Variants in ERICH1 observed in about 807,000 individuals in gnomAD.
The protein encoded by ERICH1 is glutamate rich 1, also known as glutamate-rich protein 1.
ERICH1 carries 56 observed loss-of-function variants against 39.6 expected under a neutral mutation model. The observed-to-expected ratio is 1.41, with a 90% CI of 1.14 to 1.77. The LOEUF is 1.77. Ranked by LOEUF, ERICH1 falls within the 40% of genes most tolerant of loss-of-function variation. The pLI, the probability that ERICH1 is intolerant of heterozygous loss-of-function variation, is 0.00. For synonymous variants in ERICH1, 313 were observed against 223.6 expected, an observed-to-expected ratio of 1.40 and a Z score of -3.57; for missense variants, 826 against 575.4, an observed-to-expected ratio of 1.44 and a Z score of -4.45.
At chr8:677,686 A>G (rs182552808) in intron 3 of ERICH1, among the ~76,000 whole-genome samples, 4 of 152,174 alleles carry the variant, frequency 2.6e-5, no homozygotes, top group Admixed American at 2.6e-4. Flanking sequence ...AGGTTCTGTT[A>G]AAAAAAGATG....
intron 3 of ERICH1, among the ~76,000 whole-genome samples, chr8:624,213 G>C (rs904765782): frequency 6.6e-6 from 1 of 152,180 alleles, no homozygotes; most frequent in Non-Finnish European, 1.5e-5. Flanking sequence ...AAACCTGTGA[G>C]GATGGCTAGA....
rs1378105923 is a variant in ERICH1 at position 729,062 on chromosome 8, C to T, written c.22+2078G>A. On this transcript the variant is annotated intron_variant, in intron 1 of 5. Transcript: ENST00000262109. Reference sequence around the variant, plus strand: ...CTCTGTCAGCAAGCACTGCCCTAAACCCAAGCACAGCCTCAAAGCACAGCA... The same window carrying T: ...CTCTGTCAGCAAGCACTGCCCTAAATCCAAGCACAGCCTCAAAGCACAGCA... Among the ~76,000 whole-genome samples the T allele has an allele frequency of 5.3e-5, 8 of 152,166 alleles. No homozygotes were observed. The South Asian group carries it at 1.2e-3, about 24-fold the overall frequency.
downstream of ERICH1, among the ~76,000 whole-genome samples, chr8:660,681 G>A (rs573464587): frequency 1.3e-5 from 2 of 152,308 alleles, no homozygotes; most frequent in South Asian, 4.1e-4. Context: ...TAAAAATTTT[G>A]GAATTCAGTT....
At chr8:626,201 T>C (rs1797587336) in intron 3 of ERICH1, 1 of 152,232 alleles carries the variant, frequency 6.6e-6, no homozygotes, top group African/African-American at 2.4e-5. Flanking sequence ...CAGAATTGTC[T>C]GTAGAGTCTG....
At chr8:712,224 T>A (rs1703949) in intron 2 of ERICH1, among the ~76,000 whole-genome samples, 1 of 152,074 alleles carries the variant, frequency 6.6e-6, no homozygotes. Flanking sequence ...TGAATGTGTA[T>A]ATCAAGTTAG....
chr8:690,823 G>C (rs1442627700), intron 3 of ERICH1: 1 of 152,336 alleles, frequency 6.6e-6, no homozygotes, highest in African/African-American at 2.4e-5. Flanking sequence ...CAAAATGAAA[G>C]CCAGTGACCT....
At chr8:654,596 C>A (rs570131370) in intron 3 of ERICH1, among the ~76,000 whole-genome samples, 1 of 152,266 alleles carries the variant, frequency 6.6e-6, no homozygotes, top group South Asian at 2.1e-4. Flanking sequence ...ATTATGGATC[C>A]ATATTGGCAA....
intron 1 of ERICH1, among the ~76,000 whole-genome samples, chr8:726,703 C>A (rs537940426): frequency 7.2e-5 from 11 of 151,940 alleles, no homozygotes; most frequent in African/African-American, 2.4e-4. Context: ...CAGGCACACA[C>A]ATGTACACAC....
chr8:708,430 T>C (rs1052890317), intron 2 of ERICH1, among the ~76,000 whole-genome samples: 4 of 151,992 alleles, frequency 2.6e-5, no homozygotes, highest in African/African-American at 9.7e-5. Flanking sequence ...AGAAACAAAA[T>C]GTGGTCTATT....
chr8:698,344 G>A lies in ERICH1; in HGVS notation c.170-5732C>T, dbSNP rs182171097. On this transcript the variant is annotated intron_variant, in intron 2 of 5. Coordinates refer to ENST00000262109, the MANE Select transcript of ERICH1 (RefSeq NM_207332.3). ...AGCGACTCTCATTCCTCAGTCTCCC[G>A]AGTACCTGGGACTACAGGTGTGCAC... is the stretch of plus-strand genomic sequence containing the variant. 3.6e-4 allele frequency among the ~76,000 whole-genome samples: 54 copies of A among 151,670 alleles called. No individual in the cohort carries two copies. In the South Asian group the frequency reaches 4.6e-3, roughly 13 times the overall value.
rs1012309937 is a variant in ERICH1, at chr8:684,118, A to G, written c.304+8360T>C. Among the ~76,000 whole-genome samples the G allele has an allele frequency of 5.9e-5, 9 of 152,240 alleles. No homozygotes were observed. In the East Asian group the frequency reaches 1.5e-3, roughly 26 times the overall value. On this transcript the variant is annotated intron_variant, in intron 3 of 5. Transcript: ENST00000262109. ...AACAATTCACATTTAGTCATTTTCT[A>G]TAACTTTCCATAAAATGGCCAACAA...
intron 3 of ERICH1, among the ~76,000 whole-genome samples, chr8:689,286 A>T (rs1360770618): frequency 2.6e-5 from 4 of 152,038 alleles, no homozygotes; most frequent in African/African-American, 9.7e-5. Flanking sequence ...TAATTTTTAT[A>T]TTTTAGTAGA....
At chr8:637,456 CCTG>C (rs1798529513) in intron 3 of ERICH1, 3 of 152,320 alleles carry the variant, frequency 2.0e-5, no homozygotes, top group African/African-American at 7.2e-5. Context: ...GCTCGCCACT[CCTG>C]GGGTGGATTT....
intron 3 of ERICH1, among the ~76,000 whole-genome samples, chr8:653,591 C>T (rs188731978): frequency 5.1e-4 from 78 of 152,316 alleles, no homozygotes; most frequent in Non-Finnish European, 9.1e-4. Context: ...GTGATTCTGG[C>T]GCTGCCCGAT....
intron 1 of ERICH1, among the ~76,000 whole-genome samples, chr8:719,436 C>T (rs1189146345): frequency 6.6e-6 from 1 of 152,242 alleles, no homozygotes; most frequent in African/African-American, 2.4e-5. Flanking sequence ...TGCAGATGGG[C>T]GCTGGTGCCC....
chr8:662,223 C>G (rs1801525476), downstream of ERICH1, among the ~76,000 whole-genome samples: 1 of 152,280 alleles, frequency 6.6e-6, no homozygotes, highest in South Asian at 2.1e-4. Flanking sequence ...ATGGTGCATT[C>G]ACTTGCAGGG....
chr8:615,054 G>A (rs1360712675), exon 4 of ERICH1: 1 of 580,500 alleles, frequency 1.7e-6, no homozygotes, highest in Admixed American at 3.3e-5. Context: ...GCTCCCAGCA[G>A]CCCTGTACCC....
Position 664,553 on chromosome 8 carries a change from TTTTAAG to T in ERICH1, c.*44_*49del, listed in dbSNP as rs1286236412. Reference sequence around the variant, plus strand: ...ACTCTAAGCCCATCTCACATTTGTCTTTTAAGTTTTTTTGTTAAAGAGGAGCTGTTC... The same window carrying T: ...ACTCTAAGCCCATCTCACATTTGTCTTTTTTTTGTTAAAGAGGAGCTGTTC... On this transcript the variant is annotated 3_prime_UTR_variant, in exon 6 of 6. Coordinates refer to ENST00000262109, the MANE Select transcript of ERICH1 (RefSeq NM_207332.3). 6.3e-7 allele frequency: 1 copy of T among 1,575,048 alleles called. No homozygotes were observed. The highest frequency in any genetic ancestry group is 1.9e-5 in the Admixed American group (1 of 53,380).
At chr8:622,407 C>G (rs957191168) in intron 3 of ERICH1, among the ~76,000 whole-genome samples, 1 of 151,964 alleles carries the variant, frequency 6.6e-6, no homozygotes, top group Non-Finnish European at 1.5e-5. Flanking sequence ...AAAAGAGGCC[C>G]CCAAGAACTG....
Sources: gnomAD v4.1 joint callset for allele counts (sites outside exome capture counted in the v4.1 genomes callset) on GRCh38, gnomAD v4.1.1 for gene constraint, MANE v1.5 for transcripts, NCBI Gene and HGNC (gene_info 2026-07-23, HGNC 2026-07-21) for gene names.